The following CHL1 variants were observed in gnomAD, a reference collection of about 807,000 sequenced individuals.
The protein encoded by CHL1 is neural cell adhesion molecule L1-like protein.
A neutral mutation model predicts 141.9 loss-of-function variants in CHL1; 96 were observed. The observed-to-expected ratio is 0.68, with a 90% CI of 0.57 to 0.80. The LOEUF (loss-of-function observed/expected upper bound fraction) is 0.80. CHL1 is among the 30% of genes least tolerant of loss of function. CHL1 has a pLI of 0.00. For synonymous variants in CHL1, 613 were observed against 502.2 expected, an observed-to-expected ratio of 1.22 and a Z score of -2.95; for missense variants, 1,820 against 1,457.2, an observed-to-expected ratio of 1.25 and a Z score of -4.05.
intron 22 of CHL1, 68 bp from the exon 23 acceptor site, chr3:391,607 T>C (rs904429093): frequency 2.0e-5 from 21 of 1,061,986 alleles, no homozygotes; most frequent in Non-Finnish European, 2.5e-5. Context: ...ATAAAATTTA[T>C]AATATAATAA....
intron 19 of CHL1, 116 bp from the exon 20 acceptor site, chr3:389,136 T>G (rs1419827576): frequency 1.2e-5 from 10 of 813,840 alleles, no homozygotes; most frequent in South Asian, 9.0e-5. Context: ...ATTTAAGATC[T>G]CTCAACAAAT....
At chr3:271,639 C>A (rs1190918735) in intron 2 of CHL1, among the ~76,000 whole-genome samples, 1 of 152,080 alleles carries the variant, frequency 6.6e-6, no homozygotes, top group Non-Finnish European at 1.5e-5. Context: ...TGAACATTGG[C>A]ATAAATAGAA....
At chr3:234,622 C>T (rs1242571431) in intron 1 of CHL1, among the ~76,000 whole-genome samples, 1 of 151,982 alleles carries the variant, frequency 6.6e-6, no homozygotes, top group East Asian at 1.9e-4. Context: ...TGGTGAGGCA[C>T]GGATCTTGGA....
At chr3:337,905 G>T (rs563107196) in intron 5 of CHL1, among the ~76,000 whole-genome samples, 6 of 152,126 alleles carry the variant, frequency 3.9e-5, no homozygotes, top group Non-Finnish European at 7.4e-5. Context: ...GGATGGCTGG[G>T]TCAAATGGTA....
intron 15 of CHL1, among the ~76,000 whole-genome samples, chr3:374,584 A>T (rs1706069488): frequency 6.6e-6 from 1 of 152,186 alleles, no homozygotes; most frequent in African/African-American, 2.4e-5. Flanking sequence ...TGACACTGAA[A>T]TGAACCTCTG....
rs113712067 is a variant in CHL1 at position 379,569 on chromosome 3, C to G, written c.1876+1627C>G. Among the ~76,000 whole-genome samples the G allele has an allele frequency of 2.4e-3, 367 of 152,272 alleles. 1 individual carries two copies. The highest frequency in any genetic ancestry group is 2.3e-3 in the Non-Finnish European group (159 of 68,032). On this transcript the variant is annotated intron_variant, in intron 16 of 27. Transcript: ENST00000256509. ...TGTCCCTAAGTATTTTGAGCAGTCTCAGCCACCAAAAGGACCGGGTCTCCT... is the reference window on the plus strand; with the variant it reads ...TGTCCCTAAGTATTTTGAGCAGTCTGAGCCACCAAAAGGACCGGGTCTCCT...
At chr3:391,234 GC>G in intron 22 of CHL1, 75 bp downstream of exon 22, 2 of 1,191,104 alleles carry the variant, frequency 1.7e-6, no homozygotes, top group Non-Finnish European at 2.5e-6. Context: ...CTTCCTTATG[GC>G]CAGGCACAGT....
intron 2 of CHL1, among the ~76,000 whole-genome samples, chr3:270,720 A>G (rs1695563054): frequency 6.6e-6 from 1 of 152,230 alleles, no homozygotes; most frequent in African/African-American, 2.4e-5. Context: ...TTTAAATGCA[A>G]TTGCAGTCAA....
At chr3:324,820 G>A (rs955121008) in intron 3 of CHL1, among the ~76,000 whole-genome samples, 1 of 151,670 alleles carries the variant, frequency 6.6e-6, no homozygotes, top group African/African-American at 2.4e-5. Flanking sequence ...GAACTCCTGG[G>A]CTTAAGTGAC....
At chr3:208,771 A>G (rs1183912095) in intron 1 of CHL1, among the ~76,000 whole-genome samples, 1 of 152,186 alleles carries the variant, frequency 6.6e-6, no homozygotes, top group Non-Finnish European at 1.5e-5. Flanking sequence ...CAGCTATCCC[A>G]TGTCCAAAAG....
At chr3:341,471 G>A (rs774385980) in intron 6 of CHL1, among the ~76,000 whole-genome samples, 2 of 152,108 alleles carry the variant, frequency 1.3e-5, no homozygotes, top group African/African-American at 4.8e-5. Flanking sequence ...ACCAGAACAG[G>A]GAGATTAATA....
intron 1 of CHL1, chr3:213,210 G>C (rs1700038321): frequency 6.6e-6 from 1 of 152,170 alleles, no homozygotes; most frequent in African/African-American, 2.4e-5. Flanking sequence ...ATAGTAAGAA[G>C]AATTGAAAAA....
At chr3:257,057 G>T (rs1694239902) in intron 2 of CHL1, among the ~76,000 whole-genome samples, 3 of 151,974 alleles carry the variant, frequency 2.0e-5, no homozygotes, top group South Asian at 4.1e-4. Flanking sequence ...TTAAAGTTTT[G>T]TCCACCTGTG....
intron 2 of CHL1, among the ~76,000 whole-genome samples, chr3:283,239 T>C (rs1696821779): frequency 6.6e-6 from 1 of 152,242 alleles, no homozygotes; most frequent in Admixed American, 6.5e-5. Flanking sequence ...ATCATTAGCA[T>C]TCAATGCAGA....
chr3:383,725 T>C (rs1157104861), intron 18 of CHL1, 91 bp from the exon 19 acceptor site: 4 of 761,454 alleles, frequency 5.3e-6, no homozygotes, highest in Admixed American at 2.0e-5. Context: ...ACTTACTTAA[T>C]TATCTGTGTT....
At chr3:337,283 C>T (rs190619830) in intron 5 of CHL1, among the ~76,000 whole-genome samples, 3,017 of 149,806 alleles carry the variant, frequency 0.02, 163 homozygotes, top group East Asian at 0.18. Flanking sequence ...CTCCGCCTCC[C>T]GGGTTCCCGC....
chr3:354,940 G>C (rs998211430), intron 11 of CHL1, among the ~76,000 whole-genome samples, 169 bp downstream of exon 11: 3 of 152,212 alleles, frequency 2.0e-5, no homozygotes, highest in Middle Eastern at 6.8e-3. Flanking sequence ...GTTAAGACTT[G>C]ATATTCATGG....
intron 1 of CHL1, chr3:217,506 AT>A (rs926855229): frequency 2.6e-5 from 4 of 152,254 alleles, no homozygotes; most frequent in African/African-American, 7.2e-5. Flanking sequence ...AGAAAGGATT[AT>A]CTGAGAAGGT....
intron 15 of CHL1, among the ~76,000 whole-genome samples, chr3:368,282 T>C (rs1461529874): frequency 6.6e-6 from 1 of 152,298 alleles, no homozygotes; most frequent in East Asian, 1.9e-4. Flanking sequence ...TTTTTAATAA[T>C]TGCCATTCTG....
Sources: gnomAD v4.1 joint callset for allele counts (sites outside exome capture counted in the v4.1 genomes callset) on GRCh38, gnomAD v4.1.1 for gene constraint, MANE v1.5 for transcripts, NCBI Gene and HGNC (gene_info 2026-07-23, HGNC 2026-07-21) for gene names.